The following LRMDA variants were observed in gnomAD, a reference collection of about 807,000 sequenced individuals.
LRMDA encodes the protein leucine rich melanocyte differentiation associated.
LRMDA carries 18 observed loss-of-function variants against 29.8 expected under a neutral mutation model. The ratio of observed to expected loss-of-function variants is 0.60; its 90% CI spans 0.42 to 0.90. The LOEUF is 0.90. LRMDA is among the 40% of genes least tolerant of loss of function. The probability of loss-of-function intolerance (pLI) is 0.00; values close to 1 mark genes in which losing one functional copy is unlikely to be tolerated. For synonymous variants in LRMDA, 125 were observed against 109.4 expected, an observed-to-expected ratio of 1.14 and a Z score of -0.89; for missense variants, 273 against 273.9, an observed-to-expected ratio of 1.00 and a Z score of 0.02.
intron 6 of LRMDA, among the ~76,000 whole-genome samples, chr10:76,442,477 G>A (rs1842313971): frequency 6.6e-6 from 1 of 152,184 alleles, no homozygotes; most frequent in Admixed American, 6.5e-5. Context: ...GACTGCTTGA[G>A]CCCAGGAGTT....
chr10:75,793,260 G>A (rs1316770197), intron 2 of LRMDA, among the ~76,000 whole-genome samples: 1 of 152,128 alleles, frequency 6.6e-6, no homozygotes, highest in Non-Finnish European at 1.5e-5. Context: ...GGACAGGAGG[G>A]CCCTGTTGAA....
chr10:75,936,854 T>C lies in LRMDA; in HGVS notation c.132-99154T>C, dbSNP rs145087585. Among the ~76,000 whole-genome samples, 610 of 152,336 alleles carry C rather than the reference T, an allele frequency of 4.0e-3. 5 individuals carry two copies. The highest frequency in any genetic ancestry group is 0.014 in the African/African-American group (587 of 41,572). ...ATCACCTTGTGGGTTAGGCTTTCAA[T>C]ATATGGCTTTTGGGACACAAACATT... On this transcript the variant is annotated intron_variant, in intron 2 of 6. Transcript: ENST00000611255.
intron 2 of LRMDA, among the ~76,000 whole-genome samples, chr10:75,996,582 C>T (rs1028769305): frequency 1.3e-5 from 2 of 152,102 alleles, no homozygotes; most frequent in Admixed American, 6.5e-5. Flanking sequence ...ACAAATGTTT[C>T]GATACTAGCA....
intron 2 of LRMDA, among the ~76,000 whole-genome samples, chr10:75,921,828 A>G (rs749035340): frequency 6.6e-6 from 1 of 152,170 alleles, no homozygotes; most frequent in Non-Finnish European, 1.5e-5. Context: ...AACCATATTT[A>G]CATATCCCCT....
At chr10:75,636,048 T>G (rs1169394765) in intron 2 of LRMDA, among the ~76,000 whole-genome samples, 2 of 152,248 alleles carry the variant, frequency 1.3e-5, no homozygotes, top group African/African-American at 4.8e-5. Context: ...AATTTTAGTA[T>G]ATTTCTATTG....
At chr10:75,741,353 ACTCT>A (rs1589181557) in intron 2 of LRMDA, among the ~76,000 whole-genome samples, 1 of 151,542 alleles carries the variant, frequency 6.6e-6, no homozygotes, top group Admixed American at 6.6e-5. Flanking sequence ...CAAGTGAGCA[ACTCT>A]CTCTCATGTT....
intron 2 of LRMDA, among the ~76,000 whole-genome samples, chr10:75,846,701 C>A: frequency 6.6e-6 from 1 of 150,580 alleles, no homozygotes; most frequent in South Asian, 2.1e-4. Flanking sequence ...ATAAATAATA[C>A]CGAAATGATA....
At chr10:75,525,187 C>T (rs1379246893) in intron 2 of LRMDA, among the ~76,000 whole-genome samples, 3 of 152,176 alleles carry the variant, frequency 2.0e-5, no homozygotes, top group African/African-American at 7.2e-5. Flanking sequence ...CTGATATCCC[C>T]ATATAATTGA....
Position 76,472,909 on chromosome 10 carries a change from G to A in LRMDA, c.602-84300G>A, listed in dbSNP as rs189359272. Among the ~76,000 whole-genome samples the A allele has an allele frequency of 1.7e-4, 25 of 151,386 alleles. No individual in the cohort carries two copies. The East Asian group carries it at 4.3e-3, about 26-fold the overall frequency. On this transcript the variant is annotated intron_variant, in intron 6 of 6. Coordinates refer to ENST00000611255, the MANE Select transcript of LRMDA (RefSeq NM_001305581.2). ...ACAACCGTCTACAAAAAAAGACCCC[G>A]GGCCCAGAATTTACTTCACTGGTAA... is the stretch of plus-strand genomic sequence containing the variant.
At position 76,254,418 on chromosome 10, in the gene LRMDA, A is replaced by ATGCTATG. The variant is rs1564701610; in HGVS notation, c.517-69983_517-69982insTGCTATG. On this transcript the variant is annotated intron_variant, in intron 5 of 6. Transcript: ENST00000611255. ...GCTATGCTATGCTATGCTATGCTAT[A>ATGCTATG]CTATACTATACTGAAATGCTATAGT... Among the ~76,000 whole-genome samples, 97 of 65,026 alleles carry ATGCTATG rather than the reference A, an allele frequency of 1.5e-3. 1 individual carries two copies. Among genetic ancestry groups the ATGCTATG allele is most frequent in the South Asian group, 7.8e-3 (14 of 1,788 alleles). 42.7% of individuals were successfully genotyped at this position (65,026 alleles called of 152,430 possible).
intron 6 of LRMDA, among the ~76,000 whole-genome samples, chr10:76,454,204 G>A (rs950657762): frequency 6.6e-6 from 1 of 152,134 alleles, no homozygotes; most frequent in African/African-American, 2.4e-5. Context: ...TAGTTCTTAG[G>A]ATGAATCACA....
intron 6 of LRMDA, among the ~76,000 whole-genome samples, chr10:76,367,435 T>C (rs1564522052): frequency 6.6e-6 from 1 of 152,082 alleles, no homozygotes; most frequent in African/African-American, 2.4e-5. Flanking sequence ...TTTTAATTTT[T>C]TTTTTTGAGG....
chr10:75,901,071 G>C (rs545584684), intron 2 of LRMDA, among the ~76,000 whole-genome samples: 4 of 152,188 alleles, frequency 2.6e-5, no homozygotes, highest in African/African-American at 2.4e-5. Context: ...ATGAGAAAGA[G>C]AGAGAGGGAG....
At chr10:75,536,429 C>T (rs956833387) in intron 2 of LRMDA, among the ~76,000 whole-genome samples, 2 of 152,158 alleles carry the variant, frequency 1.3e-5, no homozygotes, top group African/African-American at 4.8e-5. Flanking sequence ...TATGTATATA[C>T]CCTGGTGGTT....
intron 2 of LRMDA, among the ~76,000 whole-genome samples, chr10:75,825,423 C>A (rs1313027613): frequency 6.6e-6 from 1 of 152,142 alleles, no homozygotes; most frequent in African/African-American, 2.4e-5. Flanking sequence ...GGGCTTCACA[C>A]ATGGTGTATT....
intron 5 of LRMDA, among the ~76,000 whole-genome samples, chr10:76,089,742 A>G (rs966784534): frequency 1.3e-5 from 2 of 152,130 alleles, no homozygotes; most frequent in African/African-American, 4.8e-5. Context: ...CTCCCTCCCC[A>G]TCTTTCATCA....
chr10:76,332,194 G>A (rs536443520), intron 6 of LRMDA, among the ~76,000 whole-genome samples: 2 of 152,336 alleles, frequency 1.3e-5, no homozygotes, highest in East Asian at 1.9e-4. Flanking sequence ...GTGTGCACTC[G>A]CTGTCTGCGA....
At chr10:76,040,854 T>G (rs1485939316) in intron 3 of LRMDA, among the ~76,000 whole-genome samples, 1 of 152,226 alleles carries the variant, frequency 6.6e-6, no homozygotes, top group Non-Finnish European at 1.5e-5. Context: ...TCAGCACATG[T>G]ACTGAATAGC....
intron 2 of LRMDA, among the ~76,000 whole-genome samples, chr10:76,006,470 T>C (rs1847661416): frequency 6.6e-6 from 1 of 152,128 alleles, no homozygotes; most frequent in African/African-American, 2.4e-5. Flanking sequence ...AAACTAACTA[T>C]TCTGTTGTTT....
Sources: allele counts gnomAD v4.1 joint callset (sites outside exome capture counted in the v4.1 genomes callset), GRCh38; gene constraint gnomAD v4.1.1; transcripts MANE v1.5; gene names NCBI Gene and HGNC (gene_info 2026-07-23, HGNC 2026-07-21).